Variants in PRKCB observed in about 807,000 individuals in gnomAD.
PRKCB encodes the protein protein kinase C beta, also known as protein kinase C beta type.
A neutral mutation model predicts 81.5 loss-of-function variants in PRKCB; 13 were observed. The observed-to-expected ratio is 0.16, with a 90% confidence interval of 0.10 to 0.25. The LOEUF (loss-of-function observed/expected upper bound fraction) is 0.25, where lower values mean the gene tolerates loss of function less well. PRKCB is among the 10% of genes least tolerant of loss of function. PRKCB has a pLI of 1.00. For missense variants in PRKCB, 509 were observed against 875.7 expected (o/e 0.58, Z 5.29); for synonymous variants, 335 against 321.4 (o/e 1.04, Z -0.45).
At chr16:24,174,490 A>G (rs1370598851) in intron 11 of PRKCB, 28 bp from the exon 12 acceptor site, 2 of 1,491,642 alleles carry the variant, frequency 1.3e-6, no homozygotes, top group Non-Finnish European at 1.9e-6. Context: ...GAGTTTCTCC[A>G]TCGCTTTTTT....
chr16:23,917,557 C>T (rs1337599673), intron 2 of PRKCB, among the ~76,000 whole-genome samples: 2 of 152,210 alleles, frequency 1.3e-5, no homozygotes, highest in African/African-American at 2.4e-5. Flanking sequence ...GGAGGGACTG[C>T]AGCTCTCGAT....
Position 24,140,398 on chromosome 16 carries a change from G to T in PRKCB, c.1066-14286G>T, listed in dbSNP as rs1966887131. On this transcript the variant is annotated intron_variant, in intron 9 of 16. Transcript: ENST00000643927. The stretch of plus-strand genomic sequence containing the variant: ...GTGGGATCTTCTTGCCTGCTCCCCA[G>T]ATAGAGCCGATTTCTCAAGAGGGGA... 2.6e-5 allele frequency among the ~76,000 whole-genome samples: 4 copies of T among 152,150 alleles called. No individual in the cohort carries two copies. The South Asian group carries it at 8.3e-4, about 32-fold the overall frequency.
At chr16:24,056,426 T>A (rs1182395180) in intron 5 of PRKCB, among the ~76,000 whole-genome samples, 1 of 152,240 alleles carries the variant, frequency 6.6e-6, no homozygotes, top group Non-Finnish European at 1.5e-5. Context: ...CAATGCCCAC[T>A]GGGTCTCCAG....
At chr16:24,127,153 C>T (rs543731271) in intron 9 of PRKCB, among the ~76,000 whole-genome samples, 12 of 151,982 alleles carry the variant, frequency 7.9e-5, no homozygotes, top group Non-Finnish European at 1.2e-4. Context: ...ATTACAGGCA[C>T]GCGCCACCAC....
intron 9 of PRKCB, among the ~76,000 whole-genome samples, chr16:24,137,870 G>A (rs557512987): frequency 4.1e-4 from 62 of 152,252 alleles, no homozygotes; most frequent in Non-Finnish European, 6.9e-4. Context: ...TATTCATGCC[G>A]TAGTTGTTTC....
At chr16:24,069,011 A>G (rs761147491) in intron 5 of PRKCB, among the ~76,000 whole-genome samples, 9 of 152,204 alleles carry the variant, frequency 5.9e-5, no homozygotes, top group Non-Finnish European at 8.8e-5. Context: ...CATTCTATTA[A>G]TTTATAATGA....
intron 8 of PRKCB, among the ~76,000 whole-genome samples, chr16:24,114,387 C>T (rs890798001): frequency 4.6e-5 from 7 of 151,550 alleles, no homozygotes; most frequent in Non-Finnish European, 7.4e-5. Context: ...ATATAGTTAA[C>T]GAATGGAATT....
chr16:24,185,936 T>C (rs1157471280), intron 15 of PRKCB, among the ~76,000 whole-genome samples: 1 of 152,238 alleles, frequency 6.6e-6, no homozygotes, highest in African/African-American at 2.4e-5. Flanking sequence ...CAGGCTATCT[T>C]GCCCTGCTCT....
chr16:23,837,434 T>C (rs764223724), intron 2 of PRKCB, 28 bp downstream of exon 2: 2 of 1,601,804 alleles, frequency 1.2e-6, no homozygotes, highest in East Asian at 4.5e-5. Context: ...GGGGATGCTA[T>C]TTGTGGGAAG....
At chr16:24,196,228 A>G (rs1270270005) in intron 16 of PRKCB, among the ~76,000 whole-genome samples, 2 of 152,198 alleles carry the variant, frequency 1.3e-5, no homozygotes, top group Admixed American at 6.5e-5. Flanking sequence ...ATTCTTACTG[A>G]ATGAGTGAAT....
chr16:23,900,519 C>G (rs917839468), intron 2 of PRKCB, among the ~76,000 whole-genome samples: 3 of 152,116 alleles, frequency 2.0e-5, no homozygotes, highest in Non-Finnish European at 4.4e-5. Context: ...GTCTTCAGTT[C>G]TCTGGAGGAG....
At chr16:24,047,745 T>G (rs1965785899) in intron 5 of PRKCB, among the ~76,000 whole-genome samples, 1 of 152,204 alleles carries the variant, frequency 6.6e-6, no homozygotes, top group Non-Finnish European at 1.5e-5. Flanking sequence ...GCTTCAGCAC[T>G]GGTAGTTCTC....
chr16:24,104,967 C>T (rs540841845), intron 7 of PRKCB, among the ~76,000 whole-genome samples: 2 of 152,248 alleles, frequency 1.3e-5, no homozygotes, highest in South Asian at 4.1e-4. Context: ...TGTGGTCGAT[C>T]CCTTTTCCCT....
intron 4 of PRKCB, among the ~76,000 whole-genome samples, chr16:24,034,836 T>C (rs1362013867): frequency 1.3e-5 from 2 of 152,086 alleles, no homozygotes; most frequent in African/African-American, 2.4e-5. Flanking sequence ...CCCCCTAACA[T>C]CAGCTTTGAT....
intron 13 of PRKCB, among the ~76,000 whole-genome samples, chr16:24,182,378 A>G (rs1967639565): frequency 6.6e-6 from 1 of 152,100 alleles, no homozygotes; most frequent in African/African-American, 2.4e-5. Context: ...AAAATTCGCC[A>G]GGTGCACTAG....
chr16:23,868,868 G>T (rs1478488226), intron 2 of PRKCB, among the ~76,000 whole-genome samples: 2 of 152,188 alleles, frequency 1.3e-5, no homozygotes, highest in Non-Finnish European at 2.9e-5. Flanking sequence ...TTTCAGTACA[G>T]CTGGTCTCCC....
chr16:24,210,876 G>A (rs148156021), intron 16 of PRKCB, among the ~76,000 whole-genome samples: 229 of 152,220 alleles, frequency 1.5e-3, no homozygotes, highest in African/African-American at 5.1e-3. Flanking sequence ...TTACAGTCTC[G>A]TTTGTTGCTT....
intron 13 of PRKCB, among the ~76,000 whole-genome samples, chr16:24,182,183 T>C (rs1228581970): frequency 1.3e-5 from 2 of 152,132 alleles, no homozygotes; most frequent in Admixed American, 1.3e-4. Context: ...TCTCTGGTTC[T>C]CAACTCTAAC....
intron 5 of PRKCB, among the ~76,000 whole-genome samples, chr16:24,057,247 A>C (rs1322416387): frequency 6.6e-6 from 1 of 152,224 alleles, no homozygotes; most frequent in African/African-American, 2.4e-5. Flanking sequence ...TCCCCATGTC[A>C]GCCCTATGAA....
Sources: allele counts gnomAD v4.1 joint callset (sites outside exome capture counted in the v4.1 genomes callset), GRCh38; gene constraint gnomAD v4.1.1; transcripts MANE v1.5; gene names NCBI Gene and HGNC (gene_info 2026-07-23, HGNC 2026-07-21).